The following FOXP2 variants were observed in gnomAD, a reference collection of about 807,000 sequenced individuals.
FOXP2 encodes the protein forkhead box P2, also known as forkhead box protein P2.
A neutral mutation model predicts 115.8 loss-of-function variants in FOXP2; 12 were observed. The ratio of observed to expected loss-of-function variants is 0.10; its 90% CI spans 0.07 to 0.17. The LOEUF is 0.17. Among genes scored for constraint, FOXP2 ranks in the 10% least tolerant of loss-of-function variants. The pLI, the probability that FOXP2 is intolerant of heterozygous loss-of-function variation, is 1.00. For synonymous variants in FOXP2, 328 were observed against 297.7 expected, an observed-to-expected ratio of 1.10 and a Z score of -1.05; for missense variants, 629 against 843.5, an observed-to-expected ratio of 0.75 and a Z score of 3.15.
chr7:114,466,851 A>T (rs1332357988), intron 2 of FOXP2, among the ~76,000 whole-genome samples: 1 of 152,230 alleles, frequency 6.6e-6, no homozygotes, highest in South Asian at 2.1e-4. Flanking sequence ...AATTCAAAAC[A>T]CCACAAACAG....
intron 1 of FOXP2, among the ~76,000 whole-genome samples, chr7:114,103,808 T>C (rs1272334558): frequency 6.6e-6 from 1 of 152,098 alleles, no homozygotes; most frequent in Non-Finnish European, 1.5e-5. Flanking sequence ...TATCTATTTT[T>C]ATCACCATTT....
intron 2 of FOXP2, among the ~76,000 whole-genome samples, chr7:114,324,189 A>C (rs1797499452): frequency 6.6e-6 from 1 of 151,878 alleles, no homozygotes; most frequent in Admixed American, 6.6e-5. Context: ...TTTTAAAAAA[A>C]TATTTCTTTC....
chr7:114,172,293 A>G (rs1793166772), intron 1 of FOXP2, among the ~76,000 whole-genome samples: 1 of 152,182 alleles, frequency 6.6e-6, no homozygotes, highest in African/African-American at 2.4e-5. Flanking sequence ...GTATGCCTGT[A>G]TATGACATTC....
chr7:114,505,357 A>C (rs2129255644), intron 2 of FOXP2, among the ~76,000 whole-genome samples: 1 of 151,680 alleles, frequency 6.6e-6, no homozygotes, highest in African/African-American at 2.4e-5. Flanking sequence ...TAAGTGTTCA[A>C]GTTGCTATAT....
chr7:114,477,486 T>C (rs1049820052), intron 2 of FOXP2, among the ~76,000 whole-genome samples: 39 of 151,828 alleles, frequency 2.6e-4, no homozygotes, highest in African/African-American at 9.2e-4. Flanking sequence ...CACTGGGGAC[T>C]ACTAGAGCGA....
chr7:114,254,854 AG>A (rs1795563126), intron 1 of FOXP2, among the ~76,000 whole-genome samples: 2 of 152,164 alleles, frequency 1.3e-5, no homozygotes, highest in South Asian at 4.2e-4. Flanking sequence ...GTTCCTTTGG[AG>A]GGGGAGACGC....
At chr7:114,095,579 A>G (rs946941797) in intron 1 of FOXP2, among the ~76,000 whole-genome samples, 1 of 152,126 alleles carries the variant, frequency 6.6e-6, no homozygotes, top group African/African-American at 2.4e-5. Flanking sequence ...GGTAGAGTGC[A>G]TGTGGAGTTG....
intron 1 of FOXP2, among the ~76,000 whole-genome samples, chr7:114,092,280 G>A (rs150881729): frequency 0.011 from 1,653 of 152,058 alleles, 10 homozygotes; most frequent in Non-Finnish European, 0.019. Flanking sequence ...TCTAATGGAA[G>A]TCTATAAGAT....
At position 114,199,344 on chromosome 7, in the gene FOXP2, G is replaced by A. The variant is rs541065757; in HGVS notation, c.-102+36256G>A. Among the ~76,000 whole-genome samples, 15 of 152,114 alleles carry A rather than the reference G, an allele frequency of 9.9e-5. 1 individual carries two copies. The South Asian group carries it at 3.1e-3, about 32-fold the overall frequency. ...GTCAATTCTACTTTTAATGTATTTT[G>A]TAACCTTTCTAATTTTAAAATGTTA... On this transcript the variant is annotated intron_variant, in intron 1 of 17. Coordinates refer to the FOXP2 transcript ENST00000634411.
intron 2 of FOXP2, among the ~76,000 whole-genome samples, chr7:114,430,037 G>A (rs1218364949): frequency 6.6e-6 from 1 of 151,632 alleles, no homozygotes; most frequent in African/African-American, 2.4e-5. Flanking sequence ...CAGCATTTAA[G>A]TCCAGCTGGT....
chr7:114,189,781 A>G (rs1458713161), intron 1 of FOXP2, among the ~76,000 whole-genome samples: 4 of 152,162 alleles, frequency 2.6e-5, no homozygotes, highest in Non-Finnish European at 5.9e-5. Flanking sequence ...TTCTTTAGAG[A>G]TCACTAGGTG....
intron 3 of FOXP2, among the ~76,000 whole-genome samples, chr7:114,578,011 A>G (rs1801660437): frequency 2.0e-5 from 3 of 152,006 alleles, no homozygotes; most frequent in South Asian, 4.1e-4. Flanking sequence ...AAACAAGCTT[A>G]AAAGTTTAGG....
chr7:114,389,990 C>T (rs1159202811), intron 2 of FOXP2, among the ~76,000 whole-genome samples: 1 of 138,088 alleles, frequency 7.2e-6, no homozygotes. Context: ...GACCACTGCT[C>T]TCCAGCCTGG....
chr7:114,651,217 T>A (rs1463493722), intron 8 of FOXP2, among the ~76,000 whole-genome samples: 1 of 152,078 alleles, frequency 6.6e-6, no homozygotes, highest in Non-Finnish European at 1.5e-5. Flanking sequence ...CTTATTTAAT[T>A]TTGTGAATTT....
chr7:114,213,638 G>A (rs1043942213), intron 1 of FOXP2, among the ~76,000 whole-genome samples: 17 of 151,948 alleles, frequency 1.1e-4, no homozygotes, highest in Admixed American at 5.9e-4. Flanking sequence ...TAAAAACTAA[G>A]TATTACTTCT....
intron 3 of FOXP2, among the ~76,000 whole-genome samples, chr7:114,575,284 T>C (rs1801515483): frequency 6.6e-6 from 1 of 151,876 alleles, no homozygotes; most frequent in Non-Finnish European, 1.5e-5. Flanking sequence ...CTTACCATAA[T>C]GACTAACACA....
rs1362013112 is a variant in FOXP2, at chr7:114,102,693, A to AC, written c.-247+14856dup. ...TTTGCTACACACATACAAACACCAC[A>AC]CACCACACACACACACACACACACA... On this transcript the variant is annotated intron_variant, in intron 1 of 19. Coordinates refer to the FOXP2 transcript ENST00000635638. Among the ~76,000 whole-genome samples the AC allele has an allele frequency of 1.1e-4, 9 of 80,492 alleles. No homozygotes were observed. In the East Asian group the frequency reaches 1.9e-3, roughly 17 times the overall value. 52.8% of individuals were successfully genotyped at this position (80,492 alleles called of 152,430 possible).
At chr7:114,418,826 C>A (rs949107550) in intron 1 of FOXP2, among the ~76,000 whole-genome samples, 1 of 151,792 alleles carries the variant, frequency 6.6e-6, no homozygotes, top group African/African-American at 2.4e-5. Flanking sequence ...TTTCAATAAA[C>A]CCAGGTGCCT....
chr7:114,294,838 C>A (rs1196329396), intron 2 of FOXP2, among the ~76,000 whole-genome samples: 1 of 126,926 alleles, frequency 7.9e-6, no homozygotes, highest in Non-Finnish European at 1.7e-5. Flanking sequence ...GAGACACTGC[C>A]TCAAAATAAA....
Sources: allele counts gnomAD v4.1 joint callset (sites outside exome capture counted in the v4.1 genomes callset), GRCh38; gene constraint gnomAD v4.1.1; transcripts MANE v1.5; gene names NCBI Gene and HGNC (gene_info 2026-07-23, HGNC 2026-07-21).